The following PLEKHA6 variants were observed in gnomAD, a reference collection of about 807,000 sequenced individuals.
The protein encoded by PLEKHA6 is pleckstrin homology domain containing A6, also known as pleckstrin homology domain-containing family A member 6.
A neutral mutation model predicts 116.7 loss-of-function variants in PLEKHA6; 60 were observed. The observed-to-expected ratio is 0.51, with a 90% CI of 0.42 to 0.64. The LOEUF (loss-of-function observed/expected upper bound fraction) is 0.64. PLEKHA6 is among the 30% of genes least tolerant of loss of function. The pLI, the probability that PLEKHA6 is intolerant of heterozygous loss-of-function variation, is 0.00. For missense variants in PLEKHA6, 1,338 were observed against 1,422.7 expected (o/e 0.94, Z 0.96); for synonymous variants, 489 against 556.1 (o/e 0.88, Z 1.70).
At chr1:204,377,896 C>G (rs1055811902), upstream of PLEKHA6, 2 of 152,342 alleles carry the variant, frequency 1.3e-5, no homozygotes, top group Non-Finnish European at 2.9e-5. Flanking sequence ...AGCGCTTAAC[C>G]CTGGCCGGCC....
At chr1:204,287,232 C>T (rs1489098641) in intron 1 of PLEKHA6, among the ~76,000 whole-genome samples, 2 of 148,734 alleles carry the variant, frequency 1.3e-5, no homozygotes, top group African/African-American at 5.0e-5. Flanking sequence ...GACAGTCTCC[C>T]TCTTTTTTTT....
At chr1:204,342,082 G>C (rs1405452256) in intron 1 of PLEKHA6, among the ~76,000 whole-genome samples, 1 of 152,226 alleles carries the variant, frequency 6.6e-6, no homozygotes, top group Non-Finnish European at 1.5e-5. Flanking sequence ...CTACTCGGGA[G>C]GCTGAGGCAG....
chr1:204,241,638 C>T, intron 16 of PLEKHA6, 47 bp downstream of exon 16: 1 of 1,533,480 alleles, frequency 6.5e-7, no homozygotes, highest in Non-Finnish European at 8.8e-7. Context: ...GGGCTCCTCC[C>T]TGAGCATCCT....
intron 1 of PLEKHA6, among the ~76,000 whole-genome samples, chr1:204,303,789 C>G (rs1341355779): frequency 6.6e-6 from 1 of 152,210 alleles, no homozygotes; most frequent in African/African-American, 2.4e-5. Context: ...TCACGGCTAA[C>G]TGCAACCTCT....
intron 8 of PLEKHA6, among the ~76,000 whole-genome samples, chr1:204,258,684 C>T (rs1042739699): frequency 1.3e-5 from 2 of 152,220 alleles, no homozygotes; most frequent in Non-Finnish European, 1.5e-5. Flanking sequence ...CACCATTGGG[C>T]CCAATAAATG....
intron 5 of PLEKHA6, among the ~76,000 whole-genome samples, chr1:204,265,304 C>G (rs1306972987): frequency 6.6e-6 from 1 of 152,110 alleles, no homozygotes; most frequent in Non-Finnish European, 1.5e-5. Context: ...AGTGCCTACC[C>G]TAAAGGAATT....
chr1:204,372,003 T>TA (rs1673786562), intron 1 of PLEKHA6, among the ~76,000 whole-genome samples: 1 of 152,176 alleles, frequency 6.6e-6, no homozygotes, highest in South Asian at 2.1e-4. Flanking sequence ...GAGGCAATGT[T>TA]AGAGATGATT....
chr1:204,304,800 C>G (rs1299122783), intron 1 of PLEKHA6, among the ~76,000 whole-genome samples: 1 of 152,096 alleles, frequency 6.6e-6, no homozygotes, highest in Admixed American at 6.6e-5. Flanking sequence ...TTCAGACCTT[C>G]TAGAAAACCT....
At chr1:204,315,714 A>G (rs1413989996) in intron 1 of PLEKHA6, among the ~76,000 whole-genome samples, 1 of 152,214 alleles carries the variant, frequency 6.6e-6, no homozygotes, top group Non-Finnish European at 1.5e-5. Flanking sequence ...AGGAAACCCT[A>G]ATCTAGAGAG....
intron 17 of PLEKHA6, among the ~76,000 whole-genome samples, chr1:204,240,561 A>C (rs4951052): frequency 0.52 from 78,680 of 152,060 alleles, 21,011 homozygotes; most frequent in African/African-American, 0.66. Flanking sequence ...GACCTCACAT[A>C]AGCATTGAAG....
At chr1:204,308,687 C>CTTTTTCTTTT (rs1553275657) in intron 1 of PLEKHA6, among the ~76,000 whole-genome samples, 5 of 81,402 alleles carry the variant, frequency 6.1e-5, no homozygotes, top group African/African-American at 1.6e-4. Flanking sequence ...TTTTCTTTTT[C>CTTTTTCTTTT]TTTTTTTTTT....
intron 1 of PLEKHA6, among the ~76,000 whole-genome samples, chr1:204,347,707 CA>C (rs1297581787): frequency 1.3e-5 from 2 of 151,962 alleles, no homozygotes; most frequent in South Asian, 2.1e-4. Context: ...GAAATCTTCA[CA>C]AACCACGTTC....
intron 1 of PLEKHA6, among the ~76,000 whole-genome samples, chr1:204,328,824 C>T (rs1283950077): frequency 6.6e-6 from 1 of 152,166 alleles, no homozygotes; most frequent in African/African-American, 2.4e-5. Flanking sequence ...TCTACTATAT[C>T]CCAGGCACTG....
intron 1 of PLEKHA6, chr1:204,299,818 C>T: frequency 5.9e-6 from 1 of 168,490 alleles, no homozygotes; most frequent in Non-Finnish European, 1.2e-5. Flanking sequence ...AGCAGATGTT[C>T]TTTGTTCCTG....
chr1:204,278,876 C>T (rs1394260672), intron 1 of PLEKHA6, among the ~76,000 whole-genome samples: 2 of 152,166 alleles, frequency 1.3e-5, no homozygotes, highest in African/African-American at 4.8e-5. Flanking sequence ...AATAGAAACT[C>T]TCCAGCCCTG....
At position 204,230,581 on chromosome 1, in the gene PLEKHA6, G is replaced by T. The variant is rs775392439; in HGVS notation, c.2415C>A (p.Arg805=). 1 of 1,601,124 alleles carries T rather than the reference G, an allele frequency of 6.2e-7. No homozygotes were observed. The highest frequency in any genetic ancestry group is 8.5e-7 in the Non-Finnish European group (1 of 1,174,232). The change falls in exon 18 of 23, where the codon CGC becomes CGA. Residue 805 remains arginine (R), a synonymous_variant. Coordinates refer to ENST00000272203, the MANE Select transcript of PLEKHA6 (RefSeq NM_014935.5). ...CGCCAGGAAACACAGCACTCTTGGGGCGTTCCTGCTGCCATGGGAAAACAG... is the reference window on the plus strand; with the variant it reads ...CGCCAGGAAACACAGCACTCTTGGGTCGTTCCTGCTGCCATGGGAAAACAG... The part of the protein sequence containing the change: ...GLTNGLSSQE[R]PKSAVFPGEG...
intron 21 of PLEKHA6, among the ~76,000 whole-genome samples, chr1:204,225,177 C>T (rs1660170519): frequency 6.6e-6 from 1 of 152,212 alleles, no homozygotes. Context: ...AAAAGAGTGA[C>T]AGTTTGGGAA....
At chr1:204,250,656 G>A (rs1214247719) in intron 9 of PLEKHA6, 42 bp from the exon 10 acceptor site, 14 of 1,372,010 alleles carry the variant, frequency 1.0e-5, no homozygotes, top group Non-Finnish European at 1.5e-5. Context: ...GGGGCAGGAT[G>A]AGGGTATGCA....
At chr1:204,361,911 C>G (rs1045933528), upstream of PLEKHA6, among the ~76,000 whole-genome samples, 9 of 152,224 alleles carry the variant, frequency 5.9e-5, no homozygotes, top group African/African-American at 1.9e-4. Context: ...GCCCAAGCCC[C>G]CACAATCCTC....
Sources: allele counts gnomAD v4.1 joint callset (sites outside exome capture counted in the v4.1 genomes callset), GRCh38; gene constraint gnomAD v4.1.1; transcripts MANE v1.5; gene names NCBI Gene and HGNC (gene_info 2026-07-23, HGNC 2026-07-21).